SGSM2: variants seen among roughly 807,000 people sequenced by gnomAD.
The protein encoded by SGSM2 is small G protein signaling modulator 2, also known as RUN and TBC1 domain containing 1.
Under a neutral mutation model 126.6 loss-of-function variants are expected in SGSM2, and 89 were observed. The ratio of observed to expected loss-of-function variants is 0.70; its 90% CI spans 0.59 to 0.84. The LOEUF is 0.84. Among genes scored for constraint, SGSM2 ranks in the 40% least tolerant of loss-of-function variants. SGSM2 has a pLI of 0.00. For synonymous variants in SGSM2, 614 were observed against 574.3 expected (o/e 1.07, Z -0.99); for missense variants, 1,404 against 1,416.6 (o/e 0.99, Z 0.14).
rs1396291288 is a variant in SGSM2, at chr17:2,337,775, T to TCGCGCCCTGGCC, written c.57+36_57+47dup. ...AGTCGAGTCAAGAACCCCGGGGGGC[T>TCGCGCCCTGGCC]CGCGCCCTGGCCCGCGCGGCCCAGG... On this transcript the variant is annotated intron_variant, in intron 1 of 23. Coordinates refer to ENST00000268989, the MANE Select transcript of SGSM2 (RefSeq NM_014853.3). The surrounding 1 kb of genome is among the most constrained non-coding windows in gnomAD (Gnocchi z 5.1). 7 of 1,494,380 alleles carry TCGCGCCCTGGCC rather than the reference T, an allele frequency of 4.7e-6. No homozygotes were observed. The highest frequency in any genetic ancestry group is 1.5e-5 in the African/African-American group (1 of 68,884). The allele number at this position is 1,494,380 out of a possible 1,614,324, so 92.6% of individuals were successfully genotyped here.
intron 11 of SGSM2, 78 bp downstream of exon 11, chr17:2,365,419 G>A (rs899603445): frequency 1.4e-6 from 2 of 1,449,344 alleles, no homozygotes; most frequent in African/African-American, 1.4e-5. Flanking sequence ...CACCCAGGAG[G>A]GCAGCAGGCA....
chr17:2,373,458 G>T lies in SGSM2; in HGVS notation c.2045G>T (p.Ser682Ile), dbSNP rs769947881. The T allele has an allele frequency of 5.0e-6, 8 of 1,609,242 alleles. No homozygotes were observed. Among genetic ancestry groups the T allele is most frequent in the African/African-American group, 1.3e-5 (1 of 74,872 alleles). ...CGCACCAAGTTCTCCTCAGGCAGCA[G>T]CATCGACAGCCACGTGCAGCGCCTC... ...ATRTKFSSGS[S>I]IDSHVQRLIH... Residue 682 changes from serine (S) to isoleucine (I), a missense_variant, in exon 17 of 24, where the codon AGC becomes ATC. Coordinates refer to ENST00000268989, the MANE Select transcript of SGSM2 (RefSeq NM_014853.3).
chr17:2,377,420 G>A, intron 21 of SGSM2: 1 of 202,982 alleles, frequency 4.9e-6, no homozygotes. Flanking sequence ...GGAGGTGGAG[G>A]TTGCAGTGAG....
At chr17:2,358,875 T>TGTTG (rs1555598695) in intron 2 of SGSM2, among the ~76,000 whole-genome samples, 1 of 95,694 alleles carries the variant, frequency 1.0e-5, no homozygotes, top group Non-Finnish European at 2.1e-5. Context: ...TTGTTGTTGT[T>TGTTG]TTTTTTTTTT....
chr17:2,361,097 T>G (rs936433366), intron 2 of SGSM2, among the ~76,000 whole-genome samples: 1 of 152,114 alleles, frequency 6.6e-6, no homozygotes, highest in African/African-American at 2.4e-5. Flanking sequence ...AAACCATGAA[T>G]GAATGGAGGG....
intron 12 of SGSM2, among the ~76,000 whole-genome samples, chr17:2,369,741 T>G (rs2065774842): frequency 6.6e-6 from 1 of 150,852 alleles, no homozygotes; most frequent in Non-Finnish European, 1.5e-5. Context: ...CCTGCCTGGC[T>G]GGGCCTCTTC....
Position 2,375,512 on chromosome 17 carries a change from T to C in SGSM2, c.2121T>C (p.Asp707=), listed in dbSNP as rs141345512. The change falls in exon 18 of 24, where the codon GAT becomes GAC. Residue 707 remains aspartate (D), a synonymous_variant. Coordinates refer to ENST00000268989, the MANE Select transcript of SGSM2 (RefSeq NM_014853.3). ...ISNDVFISVD[D]LEPPEPQDPE... is the part of the protein sequence containing the mutation. ...CCCAGGTGTTTATCTCAGTGGATGA[T>C]CTGGAACCCCCGGAGCCCCAGGACC... 2.2e-5 allele frequency: 35 copies of C among 1,611,026 alleles called. No homozygotes were observed. In the African/African-American group the frequency reaches 4.4e-4, roughly 20 times the overall value.
chr17:2,347,503 C>A (rs2064651395), intron 2 of SGSM2, among the ~76,000 whole-genome samples: 1 of 151,066 alleles, frequency 6.6e-6, no homozygotes, highest in Non-Finnish European at 1.5e-5. Flanking sequence ...CTTAAAACAT[C>A]ACATCAAGTT....
In SGSM2 at chr17:2,362,276, C is replaced by A. The variant is rs758312753; in HGVS notation, c.458+6C>A. On this transcript the variant is annotated splice_donor_region_variant and intron_variant, in intron 4 of 23. Coordinates refer to ENST00000268989, the MANE Select transcript of SGSM2 (RefSeq NM_014853.3). The surrounding 1 kb of genome is among the most constrained non-coding windows in gnomAD (Gnocchi z 4.9). ...TACCTGGCGGAAAACTGCAGGTGACCGCCCCGTTCCCCAAAAACTGCAGGT... is the reference window on the plus strand; with the variant it reads ...TACCTGGCGGAAAACTGCAGGTGACAGCCCCGTTCCCCAAAAACTGCAGGT... The A allele has an allele frequency of 6.2e-7, 1 of 1,604,326 alleles. No homozygotes were observed. Among genetic ancestry groups the A allele is most frequent in the Admixed American group, 1.7e-5 (1 of 57,784 alleles).
chr17:2,370,131 C>T (rs1202843429), intron 12 of SGSM2, among the ~76,000 whole-genome samples: 4 of 152,240 alleles, frequency 2.6e-5, no homozygotes, highest in East Asian at 3.9e-4. Flanking sequence ...CAGTGGGCCC[C>T]GGCCCAGGCT....
At position 2,372,749 on chromosome 17, in the gene SGSM2, C is replaced by T; in HGVS notation, c.1789-204C>T. ...CTCTCTCCGGGCGCCATTTCCTGCCCCTTAAGGAAGGAGAGCAGAACGAGA... is the reference window on the plus strand; with the variant it reads ...CTCTCTCCGGGCGCCATTTCCTGCCTCTTAAGGAAGGAGAGCAGAACGAGA... On this transcript the variant is annotated intron_variant, in intron 15 of 23. Coordinates refer to ENST00000268989, the MANE Select transcript of SGSM2 (RefSeq NM_014853.3). This position sits in a 1 kb window ranked among gnomAD's most constrained non-coding sequence, Gnocchi z 6.0. 1 of 839,118 alleles carries T rather than the reference C, an allele frequency of 1.2e-6. No individual in the cohort carries two copies. The highest frequency in any genetic ancestry group is 2.7e-5 in the East Asian group (1 of 36,918). The allele number at this position is 839,118 out of a possible 1,614,324, so 52.0% of individuals were successfully genotyped here.
intron 18 of SGSM2, 86 bp from the exon 19 acceptor site, chr17:2,376,051 T>A (rs2066129934): frequency 6.3e-7 from 1 of 1,593,864 alleles, no homozygotes; most frequent in African/African-American, 1.3e-5. Context: ...GGTTCCGTTT[T>A]GCTGCATTTC....
intron 8 of SGSM2, 117 bp from the exon 9 acceptor site, chr17:2,364,479 G>T: frequency 1.8e-6 from 2 of 1,134,590 alleles, no homozygotes; most frequent in Non-Finnish European, 2.6e-6. Context: ...TGCACCTCTT[G>T]GCTATGGTCA....
intron 2 of SGSM2, among the ~76,000 whole-genome samples, chr17:2,349,279 G>C (rs1356960937): frequency 1.3e-5 from 2 of 152,102 alleles, no homozygotes; most frequent in African/African-American, 2.4e-5. Context: ...GGGAGGCTGA[G>C]GCAGGAGAAT....
chr17:2,365,949 T>C (rs2065559140), intron 11 of SGSM2, among the ~76,000 whole-genome samples: 1 of 152,104 alleles, frequency 6.6e-6, no homozygotes, highest in South Asian at 2.1e-4. Flanking sequence ...TTTCACCATA[T>C]TGGCCAGGCT....
intron 16 of SGSM2, 68 bp from the exon 17 acceptor site, chr17:2,373,263 G>T: frequency 6.4e-7 from 1 of 1,570,010 alleles, no homozygotes; most frequent in Admixed American, 1.7e-5. Flanking sequence ...GTCCAGTGCA[G>T]GCCCAGCTCC....
chr17:2,366,923 G>A, intron 11 of SGSM2: 1 of 242,992 alleles, frequency 4.1e-6, no homozygotes. Flanking sequence ...CCATCTGCCA[G>A]CTGTCATGCG....
chr17:2,378,732 G>A (rs1278189383), intron 22 of SGSM2, among the ~76,000 whole-genome samples: 4 of 152,162 alleles, frequency 2.6e-5, no homozygotes, highest in South Asian at 4.1e-4. Flanking sequence ...GAGTCTGCAG[G>A]AACCCAGTGT....
intron 2 of SGSM2, among the ~76,000 whole-genome samples, chr17:2,347,225 C>T (rs1187542690): frequency 6.6e-6 from 1 of 152,156 alleles, no homozygotes; most frequent in Non-Finnish European, 1.5e-5. Flanking sequence ...CCTGCCTCAG[C>T]CTCCTGAGTA....
Sources: gnomAD v4.1 joint callset for allele counts (sites outside exome capture counted in the v4.1 genomes callset) on GRCh38, gnomAD v4.1.1 for gene constraint, Gnocchi (gnomAD v3.1) non-coding constraint, MANE v1.5 for transcripts, NCBI Gene and HGNC (gene_info 2026-07-23, HGNC 2026-07-21) for gene names.